Variants in MAGI2 observed in about 807,000 individuals in gnomAD.
MAGI2 encodes the protein membrane associated guanylate kinase, WW and PDZ domain containing 2.
Under a neutral mutation model 133.3 loss-of-function variants are expected in MAGI2, and 35 were observed. That is an observed-to-expected ratio of 0.26 (90% CI 0.20 to 0.35). The LOEUF is 0.35. MAGI2 is among the 10% of genes least tolerant of loss of function. The pLI is 1.00. For synonymous variants in MAGI2, 729 were observed against 710.6 expected, an observed-to-expected ratio of 1.03 and a Z score of -0.41; for missense variants, 1,636 against 1,863.4, an observed-to-expected ratio of 0.88 and a Z score of 2.25.
chr7:78,499,803 A>C (rs917005767), intron 5 of MAGI2, among the ~76,000 whole-genome samples: 3 of 152,152 alleles, frequency 2.0e-5, no homozygotes, highest in Admixed American at 2.0e-4. Flanking sequence ...CCTTATTCCG[A>C]ACATCAATTG....
intron 6 of MAGI2, among the ~76,000 whole-genome samples, chr7:78,403,213 A>G (rs531597058): frequency 6.7e-6 from 1 of 148,248 alleles, no homozygotes; most frequent in Admixed American, 6.8e-5. Context: ...AAGTGTTCTC[A>G]TTGTTCAATT....
intron 2 of MAGI2, among the ~76,000 whole-genome samples, chr7:78,774,593 T>C (rs1825839447): frequency 6.6e-6 from 1 of 152,134 alleles, no homozygotes; most frequent in South Asian, 2.1e-4. Flanking sequence ...AAAGACTGGA[T>C]TGGTTGGGCT....
intron 1 of MAGI2, among the ~76,000 whole-genome samples, chr7:79,369,764 T>C (rs1280850635): frequency 1.3e-5 from 2 of 152,158 alleles, no homozygotes; most frequent in Non-Finnish European, 2.9e-5. Flanking sequence ...CAGGTGTTTG[T>C]AAAATTTTGA....
At chr7:79,033,267 C>T (rs1294866316) in intron 1 of MAGI2, among the ~76,000 whole-genome samples, 1 of 152,138 alleles carries the variant, frequency 6.6e-6, no homozygotes, top group Middle Eastern at 3.2e-3. Flanking sequence ...TTAACTTGAT[C>T]CAAGCAAGAT....
intron 9 of MAGI2, among the ~76,000 whole-genome samples, chr7:78,296,045 A>G (rs1365386672): frequency 6.6e-6 from 1 of 152,190 alleles, no homozygotes; most frequent in Non-Finnish European, 1.5e-5. Flanking sequence ...TTTCAGCTAT[A>G]ACGCTCCCTT....
chr7:78,792,237 G>C (rs192358981), intron 2 of MAGI2, among the ~76,000 whole-genome samples: 1 of 152,168 alleles, frequency 6.6e-6, no homozygotes, highest in Non-Finnish European at 1.5e-5. Context: ...GTTACAGCAC[G>C]GAGGAAGACA....
At chr7:78,130,898 G>A (rs930481891) in intron 18 of MAGI2, among the ~76,000 whole-genome samples, 1 of 152,204 alleles carries the variant, frequency 6.6e-6, no homozygotes, top group Non-Finnish European at 1.5e-5. Flanking sequence ...TATCCCAGTT[G>A]TGAGCTGGCA....
At chr7:78,968,187 A>G (rs1331751696) in intron 2 of MAGI2, among the ~76,000 whole-genome samples, 1 of 152,066 alleles carries the variant, frequency 6.6e-6, no homozygotes, top group Non-Finnish European at 1.5e-5. Context: ...AGGATATGTG[A>G]TGCCTACAAA....
chr7:78,974,136 T>G (rs1387492115), intron 2 of MAGI2, among the ~76,000 whole-genome samples: 2 of 151,920 alleles, frequency 1.3e-5, no homozygotes, highest in Admixed American at 1.3e-4. Context: ...AAACTCCCTT[T>G]AATTAATTAC....
chr7:79,321,108 T>C (rs1052886324), intron 1 of MAGI2, among the ~76,000 whole-genome samples: 1 of 152,162 alleles, frequency 6.6e-6, no homozygotes, highest in African/African-American at 2.4e-5. Flanking sequence ...TGGTCCTTTT[T>C]ACATTTGCAT....
intron 1 of MAGI2, among the ~76,000 whole-genome samples, chr7:79,142,506 G>A (rs1002771477): frequency 2.6e-5 from 4 of 152,154 alleles, no homozygotes; most frequent in Non-Finnish European, 4.4e-5. Context: ...CTAGAAAGAG[G>A]ACCTGAAGAT....
In MAGI2 at chr7:78,385,391, T is replaced by A. The variant is rs76697536; in HGVS notation, c.1046-16178A>T. ...AATATATAATTTTCAGCATTACTTA[T>A]CACAGACAGTGTCAAAGGCACTGAC... is the stretch of plus-strand genomic sequence containing the variant. On this transcript the variant is annotated intron_variant, in intron 6 of 21. Transcript: ENST00000354212. Among the ~76,000 whole-genome samples, 1,169 of 152,262 alleles carry A rather than the reference T, an allele frequency of 7.7e-3. 35 individuals are homozygous for A. The highest frequency in any genetic ancestry group is 0.071 in the East Asian group (366 of 5,176).
intron 1 of MAGI2, among the ~76,000 whole-genome samples, chr7:79,179,264 A>G (rs1453287019): frequency 6.6e-6 from 1 of 151,986 alleles, no homozygotes; most frequent in Non-Finnish European, 1.5e-5. Flanking sequence ...AAAATTCACT[A>G]TTTTCATATA....
At chr7:78,293,984 G>A (rs375630084) in intron 9 of MAGI2, among the ~76,000 whole-genome samples, 8 of 152,158 alleles carry the variant, frequency 5.3e-5, no homozygotes, top group African/African-American at 1.7e-4. Context: ...TGTAAATGAC[G>A]AGTTAATAGG....
chr7:78,692,421 A>G (rs949675590), intron 2 of MAGI2, among the ~76,000 whole-genome samples: 2 of 152,158 alleles, frequency 1.3e-5, no homozygotes, highest in African/African-American at 4.8e-5. Context: ...TCACAGCAAT[A>G]CAGTGTCGAT....
chr7:79,431,214 G>A (rs900805051), intron 1 of MAGI2, among the ~76,000 whole-genome samples: 6 of 152,066 alleles, frequency 3.9e-5, no homozygotes, highest in African/African-American at 1.4e-4. Flanking sequence ...AAATCCCTAA[G>A]TTTACATTTT....
chr7:78,823,909 T>TCACACA (rs151269215), intron 2 of MAGI2, among the ~76,000 whole-genome samples: 9,780 of 148,096 alleles, frequency 0.066, 332 homozygotes, highest in Admixed American at 0.11. Context: ...GGATTTCACA[T>TCACACA]CACACACACA....
intron 2 of MAGI2, among the ~76,000 whole-genome samples, chr7:78,731,529 A>G (rs1298055222): frequency 1.3e-5 from 2 of 152,170 alleles, no homozygotes; most frequent in Non-Finnish European, 1.5e-5. Context: ...TCCCTAATAT[A>G]TACTAGCTGG....
intron 3 of MAGI2, among the ~76,000 whole-genome samples, chr7:78,613,875 G>A (rs972471782): frequency 5.3e-5 from 8 of 152,154 alleles, no homozygotes; most frequent in Admixed American, 5.2e-4. Flanking sequence ...TTGGGAGGCT[G>A]AGGTGGGTGG....
Sources: allele counts gnomAD v4.1 joint callset (sites outside exome capture counted in the v4.1 genomes callset), GRCh38; gene constraint gnomAD v4.1.1; transcripts MANE v1.5; gene names NCBI Gene and HGNC (gene_info 2026-07-23, HGNC 2026-07-21).